Variants in CDK14 observed in about 807,000 individuals in gnomAD.
The protein encoded by CDK14 is cyclin-dependent kinase 14.
In CDK14, 34 loss-of-function variants were observed where a neutral mutation model predicts 60.7. The ratio of observed to expected loss-of-function variants is 0.56; its 90% confidence interval spans 0.43 to 0.75. The LOEUF (loss-of-function observed/expected upper bound fraction) is 0.75. Ranked by LOEUF, CDK14 falls within the 30% of genes least tolerant of loss-of-function variation. The pLI is 0.00. For missense variants in CDK14, 482 were observed against 564.1 expected (o/e 0.85, Z 1.47); for synonymous variants, 197 against 203.7 (o/e 0.97, Z 0.28).
chr7:91,023,013 T>TG (rs1282022468), intron 10 of CDK14, among the ~76,000 whole-genome samples: 1 of 36,498 alleles, frequency 2.7e-5, no homozygotes, highest in Admixed American at 4.4e-4. Context: ...TTGAAGTATA[T>TG]ATTTTTTTTT....
intron 12 of CDK14, among the ~76,000 whole-genome samples, chr7:91,091,523 G>C (rs1798827230): frequency 1.9e-5 from 1 of 51,486 alleles, no homozygotes; most frequent in Non-Finnish European, 3.7e-5. Context: ...ATATAAATTA[G>C]CCAGGCATGG....
chr7:90,630,223 A>G (rs928564663), intron 2 of CDK14, among the ~76,000 whole-genome samples: 8 of 152,178 alleles, frequency 5.3e-5, no homozygotes, highest in African/African-American at 9.7e-5. Context: ...ATTCTGAGAA[A>G]TGTGTCATGA....
intron 5 of CDK14, among the ~76,000 whole-genome samples, chr7:90,797,804 A>G (rs1401145357): frequency 6.6e-6 from 1 of 151,884 alleles, no homozygotes; most frequent in East Asian, 1.9e-4. Context: ...ATTTCATGAC[A>G]GCTCACTGAC....
chr7:90,735,882 A>G (rs1432957848), intron 3 of CDK14, among the ~76,000 whole-genome samples: 1 of 152,018 alleles, frequency 6.6e-6, no homozygotes, highest in African/African-American at 2.4e-5. Context: ...TGAAAAATAA[A>G]CTGCTGCAGC....
intron 8 of CDK14, among the ~76,000 whole-genome samples, 190 bp downstream of exon 8, chr7:90,917,914 A>G (rs1793130420): frequency 6.6e-6 from 1 of 152,150 alleles, no homozygotes; most frequent in South Asian, 2.1e-4. Flanking sequence ...GAGTTTTATA[A>G]AATTCAGACT....
At chr7:90,723,681 G>A (rs1375679732) in intron 2 of CDK14, among the ~76,000 whole-genome samples, 1 of 152,162 alleles carries the variant, frequency 6.6e-6, no homozygotes, top group Non-Finnish European at 1.5e-5. Context: ...ACTTAGAAGT[G>A]GGTGTTATTG....
At chr7:91,177,200 G>T (rs1344480424) in intron 14 of CDK14, among the ~76,000 whole-genome samples, 7 of 150,906 alleles carry the variant, frequency 4.6e-5, no homozygotes, top group African/African-American at 1.7e-4. Context: ...CAGAGCCAAA[G>T]ACAAAAACCA....
chr7:91,011,972 G>T (rs1796172585), intron 10 of CDK14, among the ~76,000 whole-genome samples: 2 of 151,874 alleles, frequency 1.3e-5, no homozygotes, highest in Non-Finnish European at 2.9e-5. Context: ...TTTCTACTTT[G>T]TATGCCTGGT....
intron 2 of CDK14, among the ~76,000 whole-genome samples, chr7:90,724,145 T>TC (rs374729983): frequency 5.2e-4 from 79 of 152,304 alleles, no homozygotes; most frequent in African/African-American, 1.8e-3. Context: ...ATCTATTTTT[T>TC]TTTTTAACTG....
At chr7:91,163,009 T>C (rs931240665) in intron 14 of CDK14, among the ~76,000 whole-genome samples, 7 of 152,188 alleles carry the variant, frequency 4.6e-5, no homozygotes, top group African/African-American at 1.7e-4. Context: ...TGTTCCTCAG[T>C]TACCATCCCT....
At chr7:90,915,042 G>A (rs930366408) in intron 7 of CDK14, among the ~76,000 whole-genome samples, 8 of 152,180 alleles carry the variant, frequency 5.3e-5, no homozygotes, top group African/African-American at 1.9e-4. Context: ...GGGTACAAGG[G>A]CTTGCAGGGG....
At chr7:91,194,141 T>C (rs1479158218) in intron 14 of CDK14, among the ~76,000 whole-genome samples, 3 of 152,188 alleles carry the variant, frequency 2.0e-5, no homozygotes, top group Non-Finnish European at 4.4e-5. Context: ...CTGGTAGAAT[T>C]TCTTTTAATA....
At chr7:91,012,143 T>C (rs1013717579) in intron 10 of CDK14, among the ~76,000 whole-genome samples, 5 of 152,178 alleles carry the variant, frequency 3.3e-5, no homozygotes, top group African/African-American at 1.2e-4. Context: ...TGGGCAAGAT[T>C]ATCAAAGCTG....
chr7:91,107,478 G>C (rs1421569725), intron 12 of CDK14: 1 of 152,280 alleles, frequency 6.6e-6, no homozygotes, highest in East Asian at 1.9e-4. Flanking sequence ...AAGGCATCCA[G>C]GTTCTGAATA....
chr7:90,967,775 T>C (rs1052654523), intron 9 of CDK14, among the ~76,000 whole-genome samples: 1 of 152,238 alleles, frequency 6.6e-6, no homozygotes, highest in Non-Finnish European at 1.5e-5. Context: ...CCAGCAAAAG[T>C]AGTTAGTGAA....
At chr7:90,865,558 T>G (rs1791151035) in intron 6 of CDK14, among the ~76,000 whole-genome samples, 1 of 152,106 alleles carries the variant, frequency 6.6e-6, no homozygotes, top group African/African-American at 2.4e-5. Context: ...GCAATAATAA[T>G]TATTAAACAT....
chr7:91,112,014 A>G (rs1358926756), intron 12 of CDK14, among the ~76,000 whole-genome samples: 1 of 152,172 alleles, frequency 6.6e-6, no homozygotes, highest in African/African-American at 2.4e-5. Context: ...TAACCTGTTT[A>G]TTAATATTAT....
chr7:90,808,371 C>T (rs1019380996), intron 5 of CDK14, among the ~76,000 whole-genome samples: 2 of 152,166 alleles, frequency 1.3e-5, no homozygotes, highest in African/African-American at 4.8e-5. Context: ...AACTAAGCTT[C>T]ATAAGTAAAG....
intron 10 of CDK14, among the ~76,000 whole-genome samples, chr7:91,009,355 A>T (rs1351926200): frequency 3.3e-5 from 5 of 152,108 alleles, no homozygotes; most frequent in Admixed American, 3.3e-4. Context: ...AAAATTCTTT[A>T]TGGGACATGT....
Sources: allele counts gnomAD v4.1 joint callset (sites outside exome capture counted in the v4.1 genomes callset), GRCh38; gene constraint gnomAD v4.1.1; transcripts MANE v1.5; gene names NCBI Gene and HGNC (gene_info 2026-07-23, HGNC 2026-07-21).